The following PHF13 variants were observed in gnomAD, a reference collection of about 807,000 sequenced individuals.
The protein encoded by PHF13 is PHD zinc finger protein PHF5.
PHF13 carries 1 observed loss-of-function variant against 25.8 expected under a neutral mutation model. The ratio of observed to expected loss-of-function variants is 0.04; its 90% CI spans 0.01 to 0.18. PHF13 has a LOEUF of 0.18. Ranked by LOEUF, PHF13 falls within the 10% of genes least tolerant of loss-of-function variation. PHF13 has a pLI of 1.00. For missense variants in PHF13, 306 were observed against 403.2 expected (o/e 0.76, Z 2.06); for synonymous variants, 195 against 162.4 (o/e 1.20, Z -1.53).
rs1052288040 is a variant in PHF13 at position 6,623,256 on chromosome 1, T to A, written c.*1619T>A. 6.6e-6 allele frequency: 1 copy of A among 152,164 alleles called. No individual in the cohort carries two copies. The allele number at this position is 152,164 out of a possible 1,614,324, so 9.4% of individuals were successfully genotyped here. On this transcript the variant is annotated 3_prime_UTR_variant, in exon 4 of 4. Coordinates refer to ENST00000377648, the MANE Select transcript of PHF13 (RefSeq NM_153812.3). ...CTTTCACACTTGTCCAACCGTCTTA[T>A]TTTTTTAAAAGTTCTGTTGCTTGTA...
chr1:6,615,308 C>G (rs911065749), intron 1 of PHF13, among the ~76,000 whole-genome samples: 1 of 152,224 alleles, frequency 6.6e-6, no homozygotes, highest in Non-Finnish European at 1.5e-5. Flanking sequence ...AGTTGGAGGC[C>G]CGGGTGGCGG....
chr1:6,616,967 G>A (rs573564010), intron 2 of PHF13, 109 bp downstream of exon 2: 119 of 843,922 alleles, frequency 1.4e-4, no homozygotes, highest in South Asian at 1.2e-3. Context: ...GTTTGGAAGG[G>A]GCTGCTTGTG....
At chr1:6,620,755 C>T (rs1205351991) in intron 3 of PHF13, among the ~76,000 whole-genome samples, 1 of 151,828 alleles carries the variant, frequency 6.6e-6, no homozygotes, top group Non-Finnish European at 1.5e-5. Flanking sequence ...CGCAGTGGCT[C>T]ATGCCTGTAA....
rs1641207587 is a variant in PHF13 at position 6,613,839 on chromosome 1, C to A, written c.-228C>A. 2 of 369,338 alleles carry A rather than the reference C, an allele frequency of 5.4e-6. No homozygotes were observed. The highest frequency in any genetic ancestry group is 7.0e-5 in the South Asian group (2 of 28,538). 22.9% of individuals were successfully genotyped at this position (369,338 alleles called of 1,614,324 possible). Reference sequence around the variant, plus strand: ...CCCTGCAGCCACTCTCCCGCCTCTACCGCCGCGGGAGCTGCATCGTCCACT... The same window carrying A: ...CCCTGCAGCCACTCTCCCGCCTCTAACGCCGCGGGAGCTGCATCGTCCACT... On this transcript the variant is annotated 5_prime_UTR_variant, in exon 1 of 4. Coordinates refer to ENST00000377648, the MANE Select transcript of PHF13 (RefSeq NM_153812.3).
chr1:6,614,076 G>C lies in PHF13; in HGVS notation c.10G>C (p.Asp4His). The part of the protein sequence containing the change: MDS[D>H]SCAAAFHPEE... ...GCCCCCCGCCCGGAACATGGACTCT[G>C]ACTCTTGCGCCGCCGCCTTCCACCC... The change falls in exon 1 of 4, where the codon GAC becomes CAC. Residue 4 changes from aspartate (D) to histidine (H), a missense_variant. Asp to His is a moderately conservative substitution (Grantham distance 81). Around this residue, in one of 5 missense-constraint regions of PHF13, gnomAD observed 31 missense variants for 23.9 expected, o/e 1.30. Coordinates refer to ENST00000377648, the MANE Select transcript of PHF13 (RefSeq NM_153812.3). 3.1e-6 allele frequency: 5 copies of C among 1,594,564 alleles called. No individual in the cohort carries two copies. The highest frequency in any genetic ancestry group is 4.3e-6 in the Non-Finnish European group (5 of 1,172,658).
chr1:6,615,810 T>G (rs1178615190), intron 1 of PHF13, among the ~76,000 whole-genome samples: 1 of 152,204 alleles, frequency 6.6e-6, no homozygotes, highest in Non-Finnish European at 1.5e-5. Flanking sequence ...AAACCTCCAC[T>G]ATTCCGTTTA....
Position 6,623,333 on chromosome 1 carries a change from T to TC in PHF13, c.*1700dup, listed in dbSNP as rs1641374430. The TC allele has an allele frequency of 1.3e-5, 2 of 152,572 alleles. No homozygotes were observed. Among genetic ancestry groups the TC allele is most frequent in the African/African-American group, 4.8e-5 (2 of 41,426 alleles). The allele number at this position is 152,572 out of a possible 1,614,324, so 9.5% of individuals were successfully genotyped here. Reference sequence around the variant, plus strand: ...TTCTGAAGCCAGTTTATTGTGAAGATCCCCAAGGGGGAGGTTCGGTAGAGA... The same window carrying TC: ...TTCTGAAGCCAGTTTATTGTGAAGATCCCCCAAGGGGGAGGTTCGGTAGAGA... On this transcript the variant is annotated 3_prime_UTR_variant, in exon 4 of 4. Transcript: ENST00000377648.
chr1:6,614,112 G>A lies in PHF13; in HGVS notation c.39+7G>A, dbSNP rs1641214456. On this transcript the variant is annotated splice_region_variant and intron_variant, in intron 1 of 3. Transcript: ENST00000377648. ...CGCCGCCTTCCACCCGGAGGTGAGT[G>A]AAGCTGTGCGTCCGAATCGCCCCCG... is the stretch of plus-strand genomic sequence containing the variant. 3.1e-6 allele frequency: 5 copies of A among 1,597,488 alleles called. No individual in the cohort carries two copies. Among genetic ancestry groups the A allele is most frequent in the Non-Finnish European group, 4.3e-6 (5 of 1,173,688 alleles).
rs1196967221 is a variant in PHF13, at chr1:6,613,929, C to T, written c.-138C>T. 3 of 564,656 alleles carry T rather than the reference C, an allele frequency of 5.3e-6. No homozygotes were observed. Among genetic ancestry groups the T allele is most frequent in the East Asian group, 3.4e-5 (1 of 29,488 alleles). 35.0% of individuals were successfully genotyped at this position (564,656 alleles called of 1,614,324 possible). A position where few individuals can be genotyped will look rare whatever the true frequency, so the allele number is the denominator to read the frequency against. ...TTGAGAAGCGACGCGCTGAGCCCCC[C>T]ATCACCTCCAGCCCGGGCGACCCCT... On this transcript the variant is annotated 5_prime_UTR_variant, in exon 1 of 4. Coordinates refer to ENST00000377648, the MANE Select transcript of PHF13 (RefSeq NM_153812.3).
chr1:6,617,365 C>T (rs1420322424), intron 2 of PHF13, among the ~76,000 whole-genome samples: 6 of 151,414 alleles, frequency 4.0e-5, no homozygotes, highest in African/African-American at 9.7e-5. Flanking sequence ...GGATTACAGG[C>T]GTGAGCTACC....
At chr1:6,614,991 G>A (rs1641237541) in intron 1 of PHF13, among the ~76,000 whole-genome samples, 1 of 151,350 alleles carries the variant, frequency 6.6e-6, no homozygotes, top group Non-Finnish European at 1.5e-5. Flanking sequence ...CTGGGACCCC[G>A]GAATCCTGCC....
Position 6,621,349 on chromosome 1 carries a change from C to A in PHF13, c.677-62C>A, listed in dbSNP as rs1048188085. The A allele has an allele frequency of 6.9e-5, 107 of 1,551,034 alleles. No individual in the cohort carries two copies. The highest frequency in any genetic ancestry group is 9.0e-5 in the Non-Finnish European group (102 of 1,128,750). On this transcript the variant is annotated intron_variant, in intron 3 of 3. Coordinates refer to ENST00000377648, the MANE Select transcript of PHF13 (RefSeq NM_153812.3). This position sits in a 1 kb window ranked among gnomAD's most constrained non-coding sequence, Gnocchi z 4.8. ...AGAGTTAATGGGTTTCATGGAAGCC[C>A]AGCTGATGGCGAGGAATGATGGGAA...
chr1:6,623,860 T>C lies in PHF13; in HGVS notation c.*2223T>C, dbSNP rs1487421856. 6.6e-6 allele frequency: 1 copy of C among 152,666 alleles called. No individual in the cohort carries two copies. Among genetic ancestry groups the C allele is most frequent in the Non-Finnish European group, 1.5e-5 (1 of 68,052 alleles). 9.5% of individuals were successfully genotyped at this position (152,666 alleles called of 1,614,324 possible). A position where few individuals can be genotyped will look rare whatever the true frequency, so the allele number is the denominator to read the frequency against. On this transcript the variant is annotated 3_prime_UTR_variant, in exon 4 of 4. Coordinates refer to ENST00000377648, the MANE Select transcript of PHF13 (RefSeq NM_153812.3). ...GTCACCCCAAAAGTAGGCCCTCCCATTGGCTTTGGCCAGGCCAGACACTTC... is the reference window on the plus strand; with the variant it reads ...GTCACCCCAAAAGTAGGCCCTCCCACTGGCTTTGGCCAGGCCAGACACTTC...
Position 6,618,352 on chromosome 1 carries a change from C to G in PHF13, c.142-1451C>G, listed in dbSNP as rs530340559. On this transcript the variant is annotated intron_variant, in intron 2 of 3. Transcript: ENST00000377648. ...TTCGCCATGTTGCCCAGGTTGGTGT[C>G]AAACTCCTGGCCTCAAGTGACCCAC... 2.0e-5 allele frequency among the ~76,000 whole-genome samples: 3 copies of G among 152,314 alleles called. No homozygotes were observed. The South Asian group carries it at 6.2e-4, about 32-fold the overall frequency.
In PHF13 at chr1:6,620,302, G is replaced by A. The variant is rs772346385; in HGVS notation, c.641G>A (p.Ser214Asn). 11 of 1,613,454 alleles carry A rather than the reference G, an allele frequency of 6.8e-6. No individual in the cohort carries two copies. The highest frequency in any genetic ancestry group is 8.5e-6 in the Non-Finnish European group (10 of 1,179,908). Reference sequence around the variant, plus strand: ...CAGGTGGTGTTCCGAGATGAGGACAGCACTGGCAATGATGAGGACATCATG... The same window carrying A: ...CAGGTGGTGTTCCGAGATGAGGACAACACTGGCAATGATGAGGACATCATG... The part of the protein sequence containing the change: ...GKQVVFRDED[S>N]TGNDEDIMVD... Residue 214 changes from serine (S) to asparagine (N), a missense_variant, in exon 3 of 4, where the codon AGC (serine) becomes AAC (asparagine). Transcript: ENST00000377648.
Position 6,620,012 on chromosome 1 carries a change from G to A in PHF13, c.351G>A (p.Lys117=), listed in dbSNP as rs1168466145. 3.1e-6 allele frequency: 5 copies of A among 1,613,348 alleles called. No homozygotes were observed. The East Asian group carries it at 8.9e-5, about 29-fold the overall frequency. ...ACAGAAAGAAAACGGACAAGCTGAA[G>A]AAGAAGAAGAAGAGGAAGCGCAGGG... ...LLDRKKTDKL[K]KKKKRKRRDS... The change falls in exon 3 of 4, where the codon AAG becomes AAA. Residue 117 remains lysine (K), a synonymous_variant. Coordinates refer to ENST00000377648, the MANE Select transcript of PHF13 (RefSeq NM_153812.3).
At chr1:6,619,667 T>A (rs1641309325) in intron 2 of PHF13, 136 bp from the exon 3 acceptor site, 2 of 897,100 alleles carry the variant, frequency 2.2e-6, no homozygotes, top group Non-Finnish European at 3.5e-6. Flanking sequence ...GCTTCAAGTG[T>A]GATGCTGATG....
chr1:6,615,241 T>C (rs1641242578), intron 1 of PHF13, among the ~76,000 whole-genome samples: 3 of 151,932 alleles, frequency 2.0e-5, no homozygotes, highest in African/African-American at 7.2e-5. Context: ...CCACTTGGCA[T>C]TCGGGTTTTT....
At chr1:6,617,787 A>G (rs997812567) in intron 2 of PHF13, among the ~76,000 whole-genome samples, 23 of 152,272 alleles carry the variant, frequency 1.5e-4, no homozygotes, top group Admixed American at 1.2e-3. Context: ...GCTGGACACT[A>G]TTCTTGGCCT....
Sources: allele counts gnomAD v4.1 joint callset (sites outside exome capture counted in the v4.1 genomes callset), GRCh38; gene constraint gnomAD v4.1.1; regional missense constraint gnomAD v4.1.1; non-coding constraint Gnocchi (gnomAD v3.1); transcripts MANE v1.5; gene names NCBI Gene and HGNC (gene_info 2026-07-23, HGNC 2026-07-21).